Variants in EPHA5 observed in about 807,000 individuals in gnomAD.
EPHA5 encodes EPH receptor A5, also known as ephrin type-A receptor 5.
Under a neutral mutation model 105.0 loss-of-function variants are expected in EPHA5, and 60 were observed. The ratio of observed to expected loss-of-function variants is 0.57; its 90% CI spans 0.46 to 0.71. EPHA5 has a LOEUF of 0.71. Ranked by LOEUF, EPHA5 falls within the 30% of genes least tolerant of loss-of-function variation. The pLI, the probability that EPHA5 is intolerant of heterozygous loss-of-function variation, is 0.00. For missense variants in EPHA5, 1,218 were observed against 1,274.7 expected, an observed-to-expected ratio of 0.96 and a Z score of 0.68; for synonymous variants, 513 against 449.1, an observed-to-expected ratio of 1.14 and a Z score of -1.80.
Position 65,468,549 on chromosome 4 carries a change from A to AAT in EPHA5, c.1402+21826_1402+21827dup, listed in dbSNP as rs1283852144. ...GACACACACCTTTATATATATATATAATATATATATTATATATTATATATA... is the reference window on the plus strand; with the variant it reads ...GACACACACCTTTATATATATATATAATATATATATATTATATATTATATATA... On this transcript the variant is annotated intron_variant, in intron 5 of 16. Transcript: ENST00000613740. Among the ~76,000 whole-genome samples, 22 of 101,520 alleles carry AAT rather than the reference A, an allele frequency of 2.2e-4. No homozygotes were observed. The East Asian group carries it at 5.4e-3, about 25-fold the overall frequency. The allele number at this position is 101,520 out of a possible 152,430, so 66.6% of individuals were successfully genotyped here.
intron 2 of EPHA5, among the ~76,000 whole-genome samples, chr4:65,634,197 T>C (rs1459716657): frequency 1.3e-5 from 2 of 152,118 alleles, no homozygotes; most frequent in African/African-American, 4.8e-5. Context: ...CTCTATTAAT[T>C]AGGAAAAGTG....
chr4:65,660,961 G>T (rs773278758), intron 1 of EPHA5, among the ~76,000 whole-genome samples: 5 of 152,164 alleles, frequency 3.3e-5, no homozygotes, highest in African/African-American at 1.2e-4. Context: ...AACACACAGA[G>T]ACCATGTAGG....
intron 3 of EPHA5, among the ~76,000 whole-genome samples, chr4:65,576,069 A>AGAGAGAGAG: frequency 1.2e-5 from 1 of 80,144 alleles, no homozygotes; most frequent in Non-Finnish European, 2.5e-5. Flanking sequence ...AAAAGAAAAG[A>AGAGAGAGAG]AAAGAAAAGA....
intron 3 of EPHA5, among the ~76,000 whole-genome samples, chr4:65,550,759 C>A (rs1737818691): frequency 6.6e-6 from 1 of 152,054 alleles, no homozygotes; most frequent in Admixed American, 6.6e-5. Context: ...TCCCTTGAAC[C>A]CAGGAGGGTG....
intron 8 of EPHA5, among the ~76,000 whole-genome samples, chr4:65,400,126 T>C (rs78086612): frequency 0.034 from 5,217 of 152,222 alleles, 299 homozygotes; most frequent in African/African-American, 0.12. Flanking sequence ...AGTGAAAATA[T>C]TCATTGGTGA....
intron 2 of EPHA5, among the ~76,000 whole-genome samples, chr4:65,618,061 G>A (rs181604117): frequency 1.3e-5 from 2 of 152,190 alleles, no homozygotes; most frequent in Admixed American, 1.3e-4. Flanking sequence ...GATGGTATCT[G>A]AAATTCCTAT....
intron 4 of EPHA5, 134 bp from the exon 5 acceptor site, chr4:65,490,846 G>A (rs1438848977): frequency 2.0e-6 from 2 of 1,000,154 alleles, no homozygotes; most frequent in Non-Finnish European, 2.9e-6. Flanking sequence ...TTGTAGTTTT[G>A]TTTTCATAAT....
At chr4:65,458,141 C>A (rs1030065477) in intron 5 of EPHA5, among the ~76,000 whole-genome samples, 6 of 145,416 alleles carry the variant, frequency 4.1e-5, no homozygotes, top group African/African-American at 1.5e-4. Context: ...AGATAATTGA[C>A]AATATACATA....
chr4:65,581,641 A>T (rs1276891585), intron 3 of EPHA5, among the ~76,000 whole-genome samples: 1 of 151,770 alleles, frequency 6.6e-6, no homozygotes, highest in Non-Finnish European at 1.5e-5. Flanking sequence ...CCATAGGGAC[A>T]TTTTAAATTC....
At chr4:65,336,546 T>TTAAAG (rs1287457549) in intron 14 of EPHA5, among the ~76,000 whole-genome samples, 1 of 152,156 alleles carries the variant, frequency 6.6e-6, no homozygotes, top group African/African-American at 2.4e-5. Context: ...AGCCACATTT[T>TTAAAG]TAAAGTAATA....
At chr4:65,361,870 T>C (rs1186188499) in intron 11 of EPHA5, among the ~76,000 whole-genome samples, 7 of 151,610 alleles carry the variant, frequency 4.6e-5, no homozygotes. Context: ...CTTCCTTTGG[T>C]CAGTTTGGAT....
At chr4:65,595,066 A>C (rs1743032567) in intron 3 of EPHA5, among the ~76,000 whole-genome samples, 1 of 151,980 alleles carries the variant, frequency 6.6e-6, no homozygotes, top group Admixed American at 6.6e-5. Context: ...TCTGCACTGG[A>C]AGCTCCCTCT....
At chr4:65,366,608 C>A (rs904038120) in intron 9 of EPHA5, among the ~76,000 whole-genome samples, 3 of 151,764 alleles carry the variant, frequency 2.0e-5, no homozygotes, top group Non-Finnish European at 4.4e-5. Flanking sequence ...TCACATTTAA[C>A]GGCTACTAAC....
At chr4:65,562,235 A>G (rs73824310) in intron 3 of EPHA5, among the ~76,000 whole-genome samples, 96 of 152,174 alleles carry the variant, frequency 6.3e-4, no homozygotes, top group African/African-American at 2.3e-3. Context: ...ATTAATATGA[A>G]TCAGTTATAA....
intron 7 of EPHA5, among the ~76,000 whole-genome samples, chr4:65,405,137 A>C (rs893328224): frequency 6.6e-6 from 1 of 152,212 alleles, no homozygotes; most frequent in African/African-American, 2.4e-5. Context: ...CCTACTCTTT[A>C]TATACATAGA....
At chr4:65,494,657 A>T (rs545305794) in intron 4 of EPHA5, among the ~76,000 whole-genome samples, 65 of 152,312 alleles carry the variant, frequency 4.3e-4, no homozygotes, top group African/African-American at 1.5e-3. Context: ...GTCAGAATTA[A>T]ATGTTTACTA....
At chr4:65,471,935 C>T (rs1220082335) in intron 5 of EPHA5, among the ~76,000 whole-genome samples, 1 of 152,142 alleles carries the variant, frequency 6.6e-6, no homozygotes, top group Non-Finnish European at 1.5e-5. Context: ...GCCTTCTCAA[C>T]AGTCCCCCCA....
At chr4:65,612,203 A>G (rs1214092920) in intron 2 of EPHA5, among the ~76,000 whole-genome samples, 1 of 152,110 alleles carries the variant, frequency 6.6e-6, no homozygotes, top group African/African-American at 2.4e-5. Context: ...GATATACTGC[A>G]TAGTGGTGAA....
intron 8 of EPHA5, 34 bp downstream of exon 8, chr4:65,404,340 T>C: frequency 6.4e-7 from 1 of 1,572,706 alleles, no homozygotes; most frequent in Non-Finnish European, 8.7e-7. Flanking sequence ...AGAGATCAGC[T>C]GCAGAACTTC....
Sources: gnomAD v4.1 joint callset for allele counts (sites outside exome capture counted in the v4.1 genomes callset) on GRCh38, gnomAD v4.1.1 for gene constraint, MANE v1.5 for transcripts, NCBI Gene and HGNC (gene_info 2026-07-23, HGNC 2026-07-21) for gene names.